IQCK: variants seen among roughly 807,000 people sequenced by gnomAD.
IQCK encodes IQ motif containing K.
IQCK carries 29 observed loss-of-function variants against 28.1 expected under a neutral mutation model. The observed-to-expected ratio is 1.03, with a 90% CI of 0.77 to 1.41. The LOEUF (loss-of-function observed/expected upper bound fraction) is 1.41, where lower values mean the gene tolerates loss of function less well. Among genes scored for constraint, IQCK ranks in the 40% most tolerant of loss-of-function variants. The pLI, the probability that IQCK is intolerant of heterozygous loss-of-function variation, is 0.00. For synonymous variants in IQCK, 113 were observed against 115.1 expected (o/e 0.98, Z 0.12); for missense variants, 359 against 314.7 (o/e 1.14, Z -1.07).
Position 19,758,680 on chromosome 16 carries a change from A to G in IQCK, c.475-5168A>G, listed in dbSNP as rs144609455. Among the ~76,000 whole-genome samples the G allele has an allele frequency of 4.5e-3, 693 of 152,324 alleles. 1 individual carries two copies. The highest frequency in any genetic ancestry group is 7.6e-3 in the Non-Finnish European group (518 of 68,012). On this transcript the variant is annotated intron_variant, in intron 4 of 7. Transcript: ENST00000564186. ...AAGATGGCTTTTTGAAGGGACTTCT[A>G]TTCTTGCAGGGCAGATTAGAGGACC...
chr16:19,730,474 A>C, exon 2 of IQCK: 1 of 1,608,570 alleles, frequency 6.2e-7, no homozygotes, highest in Non-Finnish European at 8.5e-7. Context: ...ATATAAAGTC[A>C]AACAGGAGCC....
intron 3 of IQCK, 21 bp downstream of exon 3, chr16:19,733,848 C>T: frequency 6.2e-7 from 1 of 1,613,362 alleles, no homozygotes; most frequent in Non-Finnish European, 8.5e-7. Flanking sequence ...GAGATGCCAT[C>T]TTTTATAATT....
chr16:19,732,881 TC>T (rs1977885713), intron 2 of IQCK, among the ~76,000 whole-genome samples: 1 of 152,170 alleles, frequency 6.6e-6, no homozygotes, highest in African/African-American at 2.4e-5. Context: ...GAGCTGGAGA[TC>T]CAGCTGGTGT....
intron 1 of IQCK, among the ~76,000 whole-genome samples, chr16:19,724,534 G>GT: frequency 6.6e-6 from 1 of 151,112 alleles, no homozygotes; most frequent in South Asian, 2.1e-4. Flanking sequence ...GTTTTTTTTT[G>GT]TTTTTTGTTT....
chr16:19,806,051 G>A (rs1414392269), intron 7 of IQCK, among the ~76,000 whole-genome samples: 1 of 152,106 alleles, frequency 6.6e-6, no homozygotes. Context: ...AAGACATCTC[G>A]GCTACTATTT....
intron 7 of IQCK, among the ~76,000 whole-genome samples, chr16:19,807,519 C>A (rs1469194932): frequency 6.6e-6 from 1 of 152,164 alleles, no homozygotes; most frequent in Non-Finnish European, 1.5e-5. Context: ...GTGCTATTAT[C>A]ATCATCAACT....
intron 6 of IQCK, among the ~76,000 whole-genome samples, chr16:19,784,579 T>A (rs188996182): frequency 8.0e-4 from 122 of 152,240 alleles, no homozygotes; most frequent in Admixed American, 7.5e-3. Flanking sequence ...TTGTCCTAAG[T>A]GCTGGAGATA....
chr16:19,848,799 C>T (rs1378280014), intron 9 of IQCK, among the ~76,000 whole-genome samples: 1 of 152,166 alleles, frequency 6.6e-6, no homozygotes, highest in Non-Finnish European at 1.5e-5. Context: ...TTGAATACTG[C>T]GTCTGCTTGA....
At chr16:19,849,030 A>G (rs543098436) in intron 9 of IQCK, among the ~76,000 whole-genome samples, 4 of 151,968 alleles carry the variant, frequency 2.6e-5, no homozygotes, top group Admixed American at 2.6e-4. Context: ...CTGATTGGCC[A>G]CTTGACACCA....
intron 4 of IQCK, among the ~76,000 whole-genome samples, chr16:19,752,908 C>T (rs532231511): frequency 1.2e-3 from 180 of 152,160 alleles, no homozygotes; most frequent in Non-Finnish European, 2.1e-3. Flanking sequence ...GATCTTCCAG[C>T]ACAGCTTGAT....
In IQCK at chr16:19,775,866, C is replaced by CTTTTTT. The variant is rs570530152; in HGVS notation, c.605+11782_605+11787dup. Among the ~76,000 whole-genome samples the CTTTTTT allele has an allele frequency of 2.0e-3, 75 of 37,728 alleles. 11 individuals carry two copies. The highest frequency in any genetic ancestry group is 4.2e-3 in the East Asian group (4 of 942). The allele number at this position is 37,728 out of a possible 152,430, so 24.8% of individuals were successfully genotyped here. ...CTAGCTGTTCTGTTCTGGGCACAGG[C>CTTTTTT]TTTTTTTTTTTTTTTTTTTTTTTTT... On this transcript the variant is annotated intron_variant, in intron 6 of 7. Transcript: ENST00000564186.
At chr16:19,730,880 C>T (rs1977815519) in intron 2 of IQCK, among the ~76,000 whole-genome samples, 2 of 152,054 alleles carry the variant, frequency 1.3e-5, no homozygotes, top group African/African-American at 4.8e-5. Context: ...ACTACAGGCA[C>T]CCGCCACCGT....
At chr16:19,733,131 T>TTTTA (rs966069745) in intron 2 of IQCK, among the ~76,000 whole-genome samples, 1 of 152,042 alleles carries the variant, frequency 6.6e-6, no homozygotes, top group Non-Finnish European at 1.5e-5. Context: ...CTCTTGCTTC[T>TTTTA]TTTATTTATT....
intron 9 of IQCK, among the ~76,000 whole-genome samples, chr16:19,839,497 G>T (rs374851748): frequency 4.0e-5 from 6 of 151,330 alleles, no homozygotes; most frequent in African/African-American, 1.5e-4. Context: ...TTTGTTTATT[G>T]TCTATGTGAC....
In IQCK at chr16:19,718,336, C is replaced by CA; in HGVS notation, c.31dup (p.Ile11AsnfsTer53). ...CGGCACCGCGGCAAATCCCCAGCCA[C>CA]ATAGTGCGCCTCAAGCCCAGCTGCT... On this transcript the variant is annotated frameshift_variant, in exon 1 of 8. Transcript: ENST00000564186. LOFTEE classifies it high-confidence loss of function. 6.2e-7 allele frequency: 1 copy of CA among 1,610,034 alleles called. No individual in the cohort carries two copies.
chr16:19,838,779 G>A (rs1183616902), intron 9 of IQCK, among the ~76,000 whole-genome samples: 1 of 152,084 alleles, frequency 6.6e-6, no homozygotes, highest in African/African-American at 2.4e-5. Flanking sequence ...AGCTCTTTGG[G>A]AGGCCGAGGT....
chr16:19,752,630 A>G (rs555938424), intron 4 of IQCK, among the ~76,000 whole-genome samples: 59 of 152,256 alleles, frequency 3.9e-4, no homozygotes, highest in African/African-American at 1.3e-3. Flanking sequence ...GTCAGATCAT[A>G]GCTCACTGCA....
chr16:19,728,562 T>G (rs1977731008), intron 1 of IQCK, among the ~76,000 whole-genome samples: 1 of 152,100 alleles, frequency 6.6e-6, no homozygotes, highest in African/African-American at 2.4e-5. Context: ...GAAACTAAGA[T>G]TCTATCAAAA....
At chr16:19,781,498 T>C (rs1366389871) in intron 6 of IQCK, among the ~76,000 whole-genome samples, 1 of 152,174 alleles carries the variant, frequency 6.6e-6, no homozygotes, top group Non-Finnish European at 1.5e-5. Flanking sequence ...CTGGTAACCA[T>C]GATTTCTAAA....
Sources: allele counts gnomAD v4.1 joint callset (sites outside exome capture counted in the v4.1 genomes callset), GRCh38; gene constraint gnomAD v4.1.1; transcripts MANE v1.5; gene names NCBI Gene and HGNC (gene_info 2026-07-23, HGNC 2026-07-21).